The following GIPC2 variants were observed in gnomAD, a reference collection of about 807,000 sequenced individuals.
GIPC2 encodes PDZ domain-containing protein GIPC2.
GIPC2 carries 30 observed loss-of-function variants against 30.6 expected under a neutral mutation model. The ratio of observed to expected loss-of-function variants is 0.98; its 90% CI spans 0.73 to 1.33. GIPC2 has a LOEUF of 1.33. GIPC2 is among the 40% of genes most tolerant of loss of function. The pLI is 0.00. For synonymous variants in GIPC2, 167 were observed against 150.0 expected (o/e 1.11, Z -0.83); for missense variants, 414 against 390.3 (o/e 1.06, Z -0.51).
chr1:78,045,927 G>A (rs1661057754), upstream of GIPC2: 1 of 1,351,552 alleles, frequency 7.4e-7, no homozygotes, highest in African/African-American at 1.5e-5. Context: ...GGCTGCTCCG[G>A]TCCAGGGGTG....
chr1:78,064,285 A>G (rs1233143582), intron 1 of GIPC2, among the ~76,000 whole-genome samples: 9 of 152,230 alleles, frequency 5.9e-5, no homozygotes. Flanking sequence ...TGAATGTCTA[A>G]TAGGACATTT....
rs1663013741 is a variant in GIPC2, at chr1:78,136,760, T to G, written c.*1017T>G. 1 of 152,052 alleles carries G rather than the reference T, an allele frequency of 6.6e-6. No homozygotes were observed. Among genetic ancestry groups the G allele is most frequent in the African/African-American group, 2.4e-5 (1 of 41,426 alleles). 9.4% of individuals were successfully genotyped at this position (152,052 alleles called of 1,614,324 possible). A position where few individuals can be genotyped will look rare whatever the true frequency, so the allele number is the denominator to read the frequency against. The stretch of plus-strand genomic sequence containing the variant: ...ATATTAGTCTATTATTTTAGAGTTC[T>G]AATACACTCTAAATTAAAGAGAAAA... On this transcript the variant is annotated 3_prime_UTR_variant, in exon 6 of 6. Coordinates refer to ENST00000370759, the MANE Select transcript of GIPC2 (RefSeq NM_017655.6).
chr1:78,126,043 A>T (rs1343274647), intron 5 of GIPC2, 81 bp downstream of exon 5: 1 of 657,244 alleles, frequency 1.5e-6, no homozygotes, highest in African/African-American at 1.9e-5. Context: ...ACAGCCAATT[A>T]TACTTTTGAA....
At chr1:78,078,926 G>A (rs4949836) in intron 1 of GIPC2, among the ~76,000 whole-genome samples, 1 of 151,298 alleles carries the variant, frequency 6.6e-6, no homozygotes, top group Non-Finnish European at 1.5e-5. Flanking sequence ...AGGAGAGTCA[G>A]AAAAGCTGTT....
At chr1:78,106,491 C>T (rs1186937092) in intron 3 of GIPC2, among the ~76,000 whole-genome samples, 4 of 151,812 alleles carry the variant, frequency 2.6e-5, no homozygotes, top group Non-Finnish European at 5.9e-5. Context: ...ACCCAGGGGG[C>T]GGGGCTTGCA....
At chr1:78,127,879 A>T (rs372397729) in intron 5 of GIPC2, among the ~76,000 whole-genome samples, 154 of 151,798 alleles carry the variant, frequency 1.0e-3, no homozygotes, top group Non-Finnish European at 1.9e-3. Flanking sequence ...ACTTTAACAA[A>T]TTTTTTTTGG....
At chr1:78,071,911 A>G (rs1205132012) in intron 1 of GIPC2, among the ~76,000 whole-genome samples, 1 of 152,142 alleles carries the variant, frequency 6.6e-6, no homozygotes, top group Non-Finnish European at 1.5e-5. Flanking sequence ...TGTCTTCAAG[A>G]CCTGACTCAC....
chr1:78,071,551 CTTCTTCTTTT>C (rs755577601), intron 1 of GIPC2, among the ~76,000 whole-genome samples: 27 of 150,078 alleles, frequency 1.8e-4, no homozygotes, highest in Admixed American at 7.3e-4. Flanking sequence ...TCTCCTTCTT[CTTCTTCTTTT>C]TTCTTCTTCT....
chr1:78,131,901 C>T (rs531374294), intron 5 of GIPC2, among the ~76,000 whole-genome samples: 1 of 152,312 alleles, frequency 6.6e-6, no homozygotes, highest in East Asian at 1.9e-4. Context: ...TGCAGTATTT[C>T]CAGCACAATT....
chr1:78,062,290 C>A (rs548920173), intron 1 of GIPC2, among the ~76,000 whole-genome samples: 42 of 152,242 alleles, frequency 2.8e-4, no homozygotes, highest in African/African-American at 8.4e-4. Context: ...AATTTAACCA[C>A]CTGAAGCTTC....
At position 78,053,932 on chromosome 1, in the gene GIPC2, C is replaced by T. The variant is rs190611866; in HGVS notation, c.240+7598C>T. ...AACAGAGCAAGACTGTCTAAACAAA[C>T]AAAAACCTGCAAGGGGCTCCTCATT... On this transcript the variant is annotated intron_variant, in intron 1 of 5. Transcript: ENST00000370759. 7.2e-5 allele frequency among the ~76,000 whole-genome samples: 11 copies of T among 151,988 alleles called. No individual in the cohort carries two copies. The East Asian group carries it at 1.9e-3, about 27-fold the overall frequency.
At chr1:78,069,499 A>G (rs1351382624) in intron 1 of GIPC2, among the ~76,000 whole-genome samples, 1 of 130,922 alleles carries the variant, frequency 7.6e-6, no homozygotes. Flanking sequence ...TTTTTTTGAG[A>G]CAGAGTCTCT....
intron 3 of GIPC2, among the ~76,000 whole-genome samples, chr1:78,119,017 G>C (rs916955321): frequency 6.6e-6 from 1 of 151,004 alleles, no homozygotes; most frequent in African/African-American, 2.4e-5. Context: ...TGGTCCATTG[G>C]GAGAAGAAAC....
intron 3 of GIPC2, among the ~76,000 whole-genome samples, chr1:78,118,861 G>A (rs953274677): frequency 6.6e-6 from 1 of 152,096 alleles, no homozygotes; most frequent in African/African-American, 2.4e-5. Context: ...GGCAATCACC[G>A]GTCTCATAGG....
At chr1:78,078,556 T>C (rs1166061704) in intron 1 of GIPC2, among the ~76,000 whole-genome samples, 1 of 152,180 alleles carries the variant, frequency 6.6e-6, no homozygotes, top group Non-Finnish European at 1.5e-5. Context: ...GGAATGTTAT[T>C]CTGCACGGGA....
At chr1:78,091,410 G>C (rs571877810) in intron 2 of GIPC2, 2 of 541,262 alleles carry the variant, frequency 3.7e-6, no homozygotes, top group African/African-American at 3.8e-5. Flanking sequence ...GAGTGGAGCC[G>C]ATAAGGCGGC....
chr1:78,081,576 A>G (rs1661829428), intron 2 of GIPC2, among the ~76,000 whole-genome samples: 1 of 152,164 alleles, frequency 6.6e-6, no homozygotes, highest in Admixed American at 6.5e-5. Flanking sequence ...CCTGGAACCA[A>G]TCCCCCATGG....
At chr1:78,092,203 GA>G (rs1047541194) in intron 2 of GIPC2, 29 of 570,290 alleles carry the variant, frequency 5.1e-5, no homozygotes, top group South Asian at 1.1e-4. Context: ...ATTGAAAGGG[GA>G]AAAAAAAGAT....
intron 3 of GIPC2, among the ~76,000 whole-genome samples, chr1:78,115,186 C>CA (rs1662546449): frequency 6.6e-6 from 1 of 150,690 alleles, no homozygotes; most frequent in African/African-American, 2.4e-5. Flanking sequence ...ATTTTTTTTT[C>CA]AATGTATGTA....
Sources: gnomAD v4.1 joint callset for allele counts (sites outside exome capture counted in the v4.1 genomes callset) on GRCh38, gnomAD v4.1.1 for gene constraint, MANE v1.5 for transcripts, NCBI Gene and HGNC (gene_info 2026-07-23, HGNC 2026-07-21) for gene names.